Variants in PLA2G6 observed in about 807,000 individuals in gnomAD.
PLA2G6 encodes 85/88 kDa calcium-independent phospholipase A2.
Under a neutral mutation model 83.8 loss-of-function variants are expected in PLA2G6, and 62 were observed. The observed-to-expected ratio is 0.74, with a 90% CI of 0.60 to 0.91. The LOEUF is 0.91. PLA2G6 is among the 40% of genes least tolerant of loss of function. The probability of loss-of-function intolerance (pLI) is 0.00; values close to 1 mark genes in which losing one functional copy is unlikely to be tolerated. For missense variants in PLA2G6, 944 were observed against 1,102.0 expected, an observed-to-expected ratio of 0.86 and a Z score of 2.03; for synonymous variants, 417 against 449.8, an observed-to-expected ratio of 0.93 and a Z score of 0.92.
chr22:38,113,364 A>T, intron 15 of PLA2G6, 123 bp downstream of exon 15: 1 of 961,572 alleles, frequency 1.0e-6, no homozygotes, highest in South Asian at 1.3e-5. Context: ...CCAGCTGGCT[A>T]AAGGCGATGG....
chr22:38,126,134 T>G, intron 10 of PLA2G6: 1 of 603,338 alleles, frequency 1.7e-6, no homozygotes, highest in South Asian at 1.6e-5. Flanking sequence ...CCCCACCAAG[T>G]CCAAGAAGCC....
At chr22:38,112,707 C>T (rs1261077305) in intron 15 of PLA2G6, 130 bp from the exon 16 acceptor site, 4 of 772,806 alleles carry the variant, frequency 5.2e-6, no homozygotes, top group East Asian at 2.7e-5. Context: ...GGCTGAGCCA[C>T]ACAGCAGCAG....
chr22:38,143,149 C>G lies in PLA2G6; in HGVS notation c.565G>C (p.Val189Leu). The change falls in exon 4 of 17, where the codon GTC becomes CTC. Residue 189 changes from valine (V) to leucine (L), a missense_variant. Physicochemically the swap from Val to Leu is conservative, Grantham distance 32. Coordinates refer to ENST00000332509, the MANE Select transcript of PLA2G6 (RefSeq NM_003560.4). Reference sequence around the variant, plus strand: ...TCACCCTGGACAGCATAATGGAAGACGGTCTCTCCCTTGTAGTCGGTGACA... The same window carrying G: ...TCACCCTGGACAGCATAATGGAAGAGGGTCTCTCCCTTGTAGTCGGTGACA... The part of the protein sequence containing the change: ...MDVTDYKGET[V>L]FHYAVQGDNS... 6.2e-7 allele frequency: 1 copy of G among 1,614,218 alleles called. No individual in the cohort carries two copies. The highest frequency in any genetic ancestry group is 1.1e-5 in the South Asian group (1 of 91,078).
Position 38,123,984 on chromosome 22 carries a change from C to T in PLA2G6, c.1428-726G>A, listed in dbSNP as rs1273402767. On this transcript the variant is annotated intron_variant, in intron 10 of 16. Coordinates refer to ENST00000332509, the MANE Select transcript of PLA2G6 (RefSeq NM_003560.4). The surrounding 1 kb of genome is among the most constrained non-coding windows in gnomAD (Gnocchi z 4.1). ...CCGAGTAGCTGGGATCACAGGTGCC[C>T]GCCACCACACCCAGCTAATTTTGTA... is the stretch of plus-strand genomic sequence containing the variant. 7.2e-5 allele frequency among the ~76,000 whole-genome samples: 11 copies of T among 151,852 alleles called. No individual in the cohort carries two copies. Among genetic ancestry groups the T allele is most frequent in the Admixed American group, 5.2e-4 (8 of 15,266 alleles).
chr22:38,159,644 C>T (rs924364129), intron 2 of PLA2G6, among the ~76,000 whole-genome samples: 1 of 151,802 alleles, frequency 6.6e-6, no homozygotes, highest in African/African-American at 2.4e-5. Context: ...GCAGGAGGAT[C>T]ACTTGAGCCT....
chr22:38,127,516 A>G, intron 9 of PLA2G6: 1 of 1,144,874 alleles, frequency 8.7e-7, no homozygotes, highest in Non-Finnish European at 1.2e-6. Flanking sequence ...GAGGGGAGAG[A>G]GAGGTGGAGC....
chr22:38,120,701 C>T, intron 12 of PLA2G6, 58 bp downstream of exon 12: 1 of 1,601,686 alleles, frequency 6.2e-7, no homozygotes, highest in Non-Finnish European at 8.5e-7. Flanking sequence ...CCTCTGTCCC[C>T]AGGGAACAGC....
chr22:38,159,330 A>T (rs1350894869), intron 2 of PLA2G6, among the ~76,000 whole-genome samples: 1 of 152,238 alleles, frequency 6.6e-6, no homozygotes, highest in Non-Finnish European at 1.5e-5. Context: ...AAAATCTCAT[A>T]GTCCTATATT....
intron 2 of PLA2G6, chr22:38,150,221 C>A (rs1274229256): frequency 6.6e-6 from 1 of 152,134 alleles, no homozygotes; most frequent in Non-Finnish European, 1.5e-5. Context: ...GGCGATGTAA[C>A]TGCGTTACCA....
intron 12 of PLA2G6, among the ~76,000 whole-genome samples, chr22:38,119,910 CAAAACCAAAACA>C (rs985407782): frequency 3.3e-5 from 5 of 151,566 alleles, no homozygotes; most frequent in Non-Finnish European, 7.4e-5. Context: ...CCACCAAAAC[CAAAACCAAAACA>C]AAAAACAAAA....
Position 38,177,205 on chromosome 22 carries a change from A to T in PLA2G6, c.-46+4459T>A, listed in dbSNP as rs142118591. On this transcript the variant is annotated intron_variant, in intron 1 of 16. Transcript: ENST00000332509. ...CAGCACTAGGCAAAGGGCTGGCCAC[A>T]CAGCAGGTGCTCAATCTGTGGGTGA... Among the ~76,000 whole-genome samples the T allele has an allele frequency of 2.0e-3, 309 of 152,248 alleles. 1 individual carries two copies. Among genetic ancestry groups the T allele is most frequent in the African/African-American group, 7.0e-3 (290 of 41,538 alleles).
At chr22:38,155,949 A>G (rs2089761227) in intron 2 of PLA2G6, among the ~76,000 whole-genome samples, 1 of 152,226 alleles carries the variant, frequency 6.6e-6, no homozygotes, top group African/African-American at 2.4e-5. Flanking sequence ...TTACCTGTAA[A>G]GACACACATA....
chr22:38,177,760 G>A (rs532304074), intron 1 of PLA2G6, among the ~76,000 whole-genome samples: 26 of 152,216 alleles, frequency 1.7e-4, no homozygotes, highest in African/African-American at 5.5e-4. Flanking sequence ...CACTGCGCCC[G>A]GCCGAATTGC....
In PLA2G6 at chr22:38,132,251, A is replaced by G; in HGVS notation, c.1077+580T>C. 1 of 355,354 alleles carries G rather than the reference A, an allele frequency of 2.8e-6. No individual in the cohort carries two copies. Among genetic ancestry groups the G allele is most frequent in the South Asian group, 2.1e-5 (1 of 48,212 alleles). 22.0% of individuals were successfully genotyped at this position (355,354 alleles called of 1,614,324 possible). ...GGGCAGGAACTGTGTTCTATAATAA[A>G]CCAACGAATATGCCTGGCACCTGCC... On this transcript the variant is annotated intron_variant, in intron 7 of 16. Transcript: ENST00000332509. This position sits in a 1 kb window ranked among gnomAD's most constrained non-coding sequence, Gnocchi z 5.0.
intron 3 of PLA2G6, chr22:38,144,351 C>T (rs553373781): frequency 1.1e-4 from 16 of 151,978 alleles, no homozygotes; most frequent in Admixed American, 3.3e-4. Context: ...ATACCTGGGC[C>T]GGGCATGGTG....
rs766818779 is a variant in PLA2G6 at position 38,112,205 on chromosome 22, G to A, written c.2377C>T (p.Arg793Cys). The A allele has an allele frequency of 2.2e-5, 36 of 1,607,600 alleles. No homozygotes were observed. The Admixed American group carries it at 4.4e-4, about 20-fold the overall frequency. Reference protein sequence around the residue: ...WETEVYIYEHREEFQKLIQLL... With the variant: ...WETEVYIYEHCEEFQKLIQLL... Reference sequence around the variant, plus strand: ...TGGATGAGCTTCTGGAACTCCTCGCGGTGCTCATAGATGTAGACCTCGGTC... The same window carrying A: ...TGGATGAGCTTCTGGAACTCCTCGCAGTGCTCATAGATGTAGACCTCGGTC... The change falls in exon 17 of 17, where the codon CGC (arginine) becomes TGC (cysteine). Residue 793 changes from arginine (R) to cysteine (C), a missense_variant. Transcript: ENST00000332509.
intron 9 of PLA2G6, among the ~76,000 whole-genome samples, chr22:38,127,964 C>T (rs2087970649): frequency 6.6e-6 from 1 of 152,220 alleles, no homozygotes; most frequent in Admixed American, 6.5e-5. Flanking sequence ...CCCTGAACGC[C>T]CTGGGGACAG....
chr22:38,174,346 C>T (rs960750366), intron 1 of PLA2G6, among the ~76,000 whole-genome samples: 3 of 151,838 alleles, frequency 2.0e-5, no homozygotes, highest in South Asian at 2.1e-4. Flanking sequence ...TGCAGTGAGC[C>T]GAGATCATGT....
chr22:38,180,985 G>A (rs1433437721), intron 1 of PLA2G6, among the ~76,000 whole-genome samples: 2 of 152,170 alleles, frequency 1.3e-5, no homozygotes, highest in Non-Finnish European at 2.9e-5. Context: ...AGACCCAGAA[G>A]CTAGGGGGAG....
Sources: gnomAD v4.1 joint callset for allele counts (sites outside exome capture counted in the v4.1 genomes callset) on GRCh38, gnomAD v4.1.1 for gene constraint, Gnocchi (gnomAD v3.1) non-coding constraint, MANE v1.5 for transcripts, NCBI Gene and HGNC (gene_info 2026-07-23, HGNC 2026-07-21) for gene names.